The following RANBP2 variants were observed in gnomAD, a reference collection of about 807,000 sequenced individuals.
RANBP2 encodes the protein E3 SUMO-protein ligase RanBP2.
In RANBP2, 57 loss-of-function variants were observed where a neutral mutation model predicts 303.6. That is an observed-to-expected ratio of 0.19 (90% CI 0.15 to 0.23). The LOEUF (loss-of-function observed/expected upper bound fraction) is 0.23, where lower values mean the gene tolerates loss of function less well. RANBP2 is among the 10% of genes least tolerant of loss of function. RANBP2 has a pLI of 1.00. For missense variants in RANBP2, 3,138 were observed against 3,780.8 expected (o/e 0.83, Z 4.46); for synonymous variants, 1,167 against 1,301.5 (o/e 0.90, Z 2.23).
At chr2:109,029,282 C>T in the RANBP2 span, among the ~76,000 whole-genome samples, 5 of 152,184 alleles carry the variant, frequency 3.3e-5, no homozygotes, top group South Asian at 2.1e-4. Flanking sequence ...CCCCCATGGC[C>T]GCAGCTGCTG....
the RANBP2 span, among the ~76,000 whole-genome samples, chr2:109,085,767 AT>A: frequency 6.6e-6 from 1 of 151,506 alleles, no homozygotes; most frequent in Admixed American, 6.6e-5. Context: ...CGCCTGGCTA[AT>A]TTTTTTATTT....
the RANBP2 span, among the ~76,000 whole-genome samples, chr2:109,071,240 T>G: frequency 6.6e-6 from 1 of 152,170 alleles, no homozygotes; most frequent in Non-Finnish European, 1.5e-5. Flanking sequence ...AAAGGTAAAT[T>G]CAAGGATGTC....
the RANBP2 span, among the ~76,000 whole-genome samples, chr2:109,146,503 G>A: frequency 6.6e-6 from 1 of 152,122 alleles, no homozygotes; most frequent in African/African-American, 2.4e-5. Context: ...TTCAATGGCA[G>A]GAGGAAGGGC....
At chr2:109,412,155 C>T in the RANBP2 span, among the ~76,000 whole-genome samples, 1 of 152,256 alleles carries the variant, frequency 6.6e-6, no homozygotes, top group Admixed American at 6.5e-5. Flanking sequence ...CTTCGGCCGC[C>T]GTGGTCCACG....
chr2:109,500,712 C>G, the RANBP2 span, among the ~76,000 whole-genome samples: 1 of 152,124 alleles, frequency 6.6e-6, no homozygotes, highest in Non-Finnish European at 1.5e-5. Context: ...ACTTGGAGAG[C>G]CTGAGGCCAG....
At chr2:109,431,024 A>G in the RANBP2 span, among the ~76,000 whole-genome samples, 3 of 152,262 alleles carry the variant, frequency 2.0e-5, no homozygotes, top group East Asian at 5.8e-4. Flanking sequence ...ATTAAGGCCA[A>G]GAAACTTTTA....
the RANBP2 span, among the ~76,000 whole-genome samples, chr2:108,868,844 G>A: frequency 6.6e-6 from 1 of 152,114 alleles, no homozygotes; most frequent in African/African-American, 2.4e-5. Context: ...AAGAATCTGG[G>A]TTTCTGATGA....
the RANBP2 span, among the ~76,000 whole-genome samples, chr2:109,607,260 C>T: frequency 6.6e-6 from 1 of 152,130 alleles, no homozygotes; most frequent in East Asian, 1.9e-4. Flanking sequence ...AACAATATTA[C>T]AAACAGCTAA....
At chr2:109,433,672 G>A in the RANBP2 span, among the ~76,000 whole-genome samples, 6 of 152,234 alleles carry the variant, frequency 3.9e-5, no homozygotes, top group Non-Finnish European at 7.3e-5. Context: ...CACATGCGGT[G>A]TTGACTTGAG....
At chr2:109,114,184 T>C in the RANBP2 span, among the ~76,000 whole-genome samples, 2 of 152,228 alleles carry the variant, frequency 1.3e-5, no homozygotes, top group Non-Finnish European at 2.9e-5. Context: ...CTTTTTCTAT[T>C]GATTGGAATA....
the RANBP2 span, among the ~76,000 whole-genome samples, chr2:109,528,419 C>T: frequency 6.6e-6 from 1 of 152,250 alleles, no homozygotes; most frequent in African/African-American, 2.4e-5. Context: ...GGGAAAGTGT[C>T]GTCAGAGCCC....
the RANBP2 span, among the ~76,000 whole-genome samples, chr2:109,687,956 A>G: frequency 6.6e-6 from 1 of 152,136 alleles, no homozygotes; most frequent in Non-Finnish European, 1.5e-5. Flanking sequence ...CATGTTGCCC[A>G]GGCTGGGTCA....
the RANBP2 span, among the ~76,000 whole-genome samples, chr2:109,046,330 A>G: frequency 6.7e-6 from 1 of 149,588 alleles, no homozygotes; most frequent in African/African-American, 2.4e-5. Context: ...AAAAAATCTG[A>G]AAGGATTTTG....
At chr2:108,794,576 G>A in the RANBP2 span, 22 of 1,613,418 alleles carry the variant, frequency 1.4e-5, no homozygotes, top group South Asian at 2.0e-4. Context: ...TCGAGACCTC[G>A]GACTGAGTGT....
At chr2:109,387,893 G>A in the RANBP2 span, among the ~76,000 whole-genome samples, 1 of 150,912 alleles carries the variant, frequency 6.6e-6, no homozygotes, top group African/African-American at 2.4e-5. Context: ...CCATCCACCC[G>A]CACACGGCCC....
At chr2:109,451,339 A>G in the RANBP2 span, among the ~76,000 whole-genome samples, 1 of 152,198 alleles carries the variant, frequency 6.6e-6, no homozygotes, top group Admixed American at 6.5e-5. Context: ...TGGGATTCAC[A>G]GTCCTACCCT....
chr2:108,907,650 A>G, the RANBP2 span, among the ~76,000 whole-genome samples: 49 of 1,610 alleles, frequency 0.03, no homozygotes, highest in Non-Finnish European at 0.05. Flanking sequence ...TCTCATCTCC[A>G]AAAAAAAAAA....
chr2:109,338,727 T>C, the RANBP2 span, among the ~76,000 whole-genome samples: 1 of 152,154 alleles, frequency 6.6e-6, no homozygotes, highest in Admixed American at 6.5e-5. Flanking sequence ...CCGACTAATT[T>C]GTGTATTTTT....
the RANBP2 span, chr2:109,490,628 G>A: frequency 2.0e-6 from 3 of 1,470,738 alleles, no homozygotes; most frequent in East Asian, 2.5e-5. Flanking sequence ...GTGGGCTCCT[G>A]AAGCTTCTAG....
Sources: allele counts gnomAD v4.1 joint callset (sites outside exome capture counted in the v4.1 genomes callset), GRCh38; gene constraint gnomAD v4.1.1; transcripts MANE v1.5; gene names NCBI Gene and HGNC (gene_info 2026-07-23, HGNC 2026-07-21).